Variants in CNTN4 observed in about 807,000 individuals in gnomAD.
CNTN4 encodes contactin 4, also known as contactin-4.
In CNTN4, 77 loss-of-function variants were observed where a neutral mutation model predicts 122.5. The observed-to-expected ratio is 0.63, with a 90% CI of 0.52 to 0.76. The LOEUF is 0.76. CNTN4 is among the 30% of genes least tolerant of loss of function. The probability of loss-of-function intolerance (pLI) is 0.00; values close to 1 mark genes in which losing one functional copy is unlikely to be tolerated. For missense variants in CNTN4, 1,256 were observed against 1,259.1 expected, an observed-to-expected ratio of 1.00 and a Z score of 0.04; for synonymous variants, 512 against 447.0, an observed-to-expected ratio of 1.15 and a Z score of -1.83.
intron 3 of CNTN4, among the ~76,000 whole-genome samples, chr3:2,557,711 A>C (rs1029077662): frequency 6.6e-6 from 1 of 150,782 alleles, no homozygotes; most frequent in African/African-American, 2.4e-5. Flanking sequence ...CCTGGGCAAC[A>C]CTGCACTCCA....
At chr3:2,834,216 A>T (rs2093166094) in intron 7 of CNTN4, among the ~76,000 whole-genome samples, 2 of 152,190 alleles carry the variant, frequency 1.3e-5, no homozygotes, top group African/African-American at 2.4e-5. Context: ...GAAAGCATAG[A>T]TGTAAGAAAT....
intron 6 of CNTN4, among the ~76,000 whole-genome samples, chr3:2,792,193 G>T (rs970239119): frequency 1.3e-5 from 2 of 152,018 alleles, no homozygotes; most frequent in Non-Finnish European, 2.9e-5. Context: ...TTCTTTCGGG[G>T]GGCCCTTATT....
At chr3:2,238,852 C>G (rs571703278) in intron 2 of CNTN4, 1 of 94,186 alleles carries the variant, frequency 1.1e-5, no homozygotes, top group African/African-American at 3.7e-5. Flanking sequence ...CTCAGCCTCC[C>G]GAGTAGCTGG....
chr3:2,129,879 A>ATGAATAT lies in CNTN4; in HGVS notation c.-145+29243_-145+29249dup, dbSNP rs566879378. ...CACACTTATATTGGTGGCTTTGTTAATGAATATTGCATTTGTGGCAGATAG... is the reference window on the plus strand; with the variant it reads ...CACACTTATATTGGTGGCTTTGTTAATGAATATTGAATATTGCATTTGTGGCAGATAG... On this transcript the variant is annotated intron_variant, in intron 2 of 24. Transcript: ENST00000418658. Among the ~76,000 whole-genome samples the ATGAATAT allele has an allele frequency of 3.2e-3, 489 of 152,106 alleles. 2 individuals are homozygous for ATGAATAT. Among genetic ancestry groups the ATGAATAT allele is most frequent in the Non-Finnish European group, 5.3e-3 (363 of 67,958 alleles).
chr3:2,327,075 G>A (rs12497920), intron 2 of CNTN4, among the ~76,000 whole-genome samples: 53,742 of 151,878 alleles, frequency 0.35, 10,422 homozygotes, highest in East Asian at 0.8. Context: ...CAACTGATCT[G>A]TGGTAATTTG....
intron 6 of CNTN4, among the ~76,000 whole-genome samples, chr3:2,783,026 CA>C (rs780350024): frequency 6.6e-6 from 1 of 152,170 alleles, no homozygotes; most frequent in Non-Finnish European, 1.5e-5. Flanking sequence ...CGCCTGTAAT[CA>C]CAGCACTTTG....
At chr3:2,400,361 G>A (rs1015949975) in intron 3 of CNTN4, among the ~76,000 whole-genome samples, 1 of 129,472 alleles carries the variant, frequency 7.7e-6, no homozygotes, top group Non-Finnish European at 1.7e-5. Context: ...TATGTGGGTG[G>A]GTGTATGTGT....
chr3:2,779,313 C>T (rs543857373), intron 6 of CNTN4, among the ~76,000 whole-genome samples: 1 of 152,218 alleles, frequency 6.6e-6, no homozygotes, highest in South Asian at 2.1e-4. Flanking sequence ...GTCGCCCAGG[C>T]TTGAGTGCAA....
Position 2,416,778 on chromosome 3 carries a change from C to T in CNTN4, c.-89+77545C>T, listed in dbSNP as rs149472585. ...CCGCCATTCTCCTGCCTCAGCCTCCCGAGTAGCTGGGACTACAGGCGCCTG... is the reference window on the plus strand; with the variant it reads ...CCGCCATTCTCCTGCCTCAGCCTCCTGAGTAGCTGGGACTACAGGCGCCTG... On this transcript the variant is annotated intron_variant, in intron 3 of 24. Coordinates refer to ENST00000418658, the MANE Select transcript of CNTN4 (RefSeq NM_175607.3). Among the ~76,000 whole-genome samples, 1,078 of 152,158 alleles carry T rather than the reference C, an allele frequency of 7.1e-3. 7 individuals are homozygous for T. Among genetic ancestry groups the T allele is most frequent in the African/African-American group, 0.023 (942 of 41,508 alleles).
At chr3:2,533,131 CTT>C (rs35576083) in intron 3 of CNTN4, among the ~76,000 whole-genome samples, 3 of 137,692 alleles carry the variant, frequency 2.2e-5, no homozygotes, top group African/African-American at 2.7e-5. Context: ...ATTGATTCTT[CTT>C]TTTTTTTTTT....
At chr3:2,219,017 C>T (rs1455187368) in intron 2 of CNTN4, among the ~76,000 whole-genome samples, 2 of 152,202 alleles carry the variant, frequency 1.3e-5, no homozygotes, top group Non-Finnish European at 2.9e-5. Context: ...TTGGGCTCAG[C>T]TTCCCCCTAG....
chr3:2,200,502 G>A (rs1224391909), intron 2 of CNTN4, among the ~76,000 whole-genome samples: 1 of 152,046 alleles, frequency 6.6e-6, no homozygotes, highest in African/African-American at 2.4e-5. Flanking sequence ...ACATTGGTAA[G>A]TACAACCCAG....
At chr3:2,908,012 T>A (rs1328096676) in intron 12 of CNTN4, among the ~76,000 whole-genome samples, 2 of 152,168 alleles carry the variant, frequency 1.3e-5, no homozygotes, top group African/African-American at 4.8e-5. Context: ...AGGCAACTCC[T>A]CCTAGATCTT....
At chr3:2,881,315 C>T (rs1437798638) in intron 8 of CNTN4, among the ~76,000 whole-genome samples, 2 of 152,218 alleles carry the variant, frequency 1.3e-5, no homozygotes, top group South Asian at 4.1e-4. Flanking sequence ...GAATTCAAGA[C>T]GAGCCTGGCC....
At chr3:2,801,070 G>A (rs1250884591) in intron 6 of CNTN4, among the ~76,000 whole-genome samples, 3 of 152,072 alleles carry the variant, frequency 2.0e-5, no homozygotes, top group Admixed American at 6.6e-5. Context: ...TTTTTATCAT[G>A]GTATTATTTT....
In CNTN4 at chr3:2,710,572, A is replaced by T. The variant is rs894892982; in HGVS notation, c.56-25643A>T. 7.0e-4 allele frequency among the ~76,000 whole-genome samples: 106 copies of T among 152,256 alleles called. 1 individual carries two copies. Among genetic ancestry groups the T allele is most frequent in the African/African-American group, 2.4e-3 (101 of 41,540 alleles). Reference sequence around the variant, plus strand: ...AAAAGACAAGTGTTAAAAGGTGTCAATTGCATTTTTTTTAATATGGAGAAA... The same window carrying T: ...AAAAGACAAGTGTTAAAAGGTGTCATTTGCATTTTTTTTAATATGGAGAAA... On this transcript the variant is annotated intron_variant, in intron 4 of 24. Transcript: ENST00000418658.
At chr3:2,136,666 A>G (rs1191974911) in intron 2 of CNTN4, among the ~76,000 whole-genome samples, 1 of 152,122 alleles carries the variant, frequency 6.6e-6, no homozygotes, top group African/African-American at 2.4e-5. Context: ...AGACAATTAA[A>G]TGGTTACATT....
At chr3:2,357,616 A>G (rs2044927152) in intron 3 of CNTN4, among the ~76,000 whole-genome samples, 1 of 152,208 alleles carries the variant, frequency 6.6e-6, no homozygotes, top group South Asian at 2.1e-4. Flanking sequence ...AAATTTTGAC[A>G]GCTGAGAGTA....
intron 7 of CNTN4, among the ~76,000 whole-genome samples, chr3:2,853,182 GAAA>G (rs952393738): frequency 1.0e-4 from 14 of 135,254 alleles, no homozygotes; most frequent in Non-Finnish European, 2.1e-4. Flanking sequence ...ACAGGGGACG[GAAA>G]AAAAAAAAGA....
Sources: gnomAD v4.1 joint callset for allele counts (sites outside exome capture counted in the v4.1 genomes callset) on GRCh38, gnomAD v4.1.1 for gene constraint, MANE v1.5 for transcripts, NCBI Gene and HGNC (gene_info 2026-07-23, HGNC 2026-07-21) for gene names.